NAA38: variants seen among roughly 807,000 people sequenced by gnomAD.
The protein encoded by NAA38 is N-alpha-acetyltransferase 38, NatC auxiliary subunit, also known as LSM domain containing 1.
NAA38 carries 15 observed loss-of-function variants against 12.6 expected under a neutral mutation model. The ratio of observed to expected loss-of-function variants is 1.19; its 90% confidence interval spans 0.79 to 1.83. The LOEUF (loss-of-function observed/expected upper bound fraction) is 1.83, where lower values mean the gene tolerates loss of function less well. Among genes scored for constraint, NAA38 ranks in the 40% most tolerant of loss-of-function variants. NAA38 has a pLI of 0.00. For synonymous variants in NAA38, 88 were observed against 69.9 expected (o/e 1.26, Z -1.29); for missense variants, 183 against 171.7 (o/e 1.07, Z -0.37).
chr17:7,866,291 G>A (rs1296798960), intron 3 of NAA38, among the ~76,000 whole-genome samples: 1 of 92,840 alleles, frequency 1.1e-5, no homozygotes. Flanking sequence ...GGTATTTTTA[G>A]TAGAGACGGG....
Position 7,856,840 on chromosome 17 carries a change from G to C in NAA38, c.269C>G (p.Ser90Cys). The C allele has an allele frequency of 6.2e-7, 1 of 1,613,676 alleles. No individual in the cohort carries two copies. Among genetic ancestry groups the C allele is most frequent in the Non-Finnish European group, 8.5e-7 (1 of 1,179,952 alleles). Residue 90 changes from serine (S) to cysteine (C), a missense_variant, in exon 3 of 3, where the codon TCC (serine) becomes TGC (cysteine). Transcript: ENST00000575771. ...SAQEFLKPSD[S>C]FSAGEPRVLG... ...CACACGGGGCTCCCCGGCAGAGAAG[G>C]AATCTGGAAAGAAGGATCAGAGCAT... is the stretch of plus-strand genomic sequence containing the variant.
intron 2 of NAA38, among the ~76,000 whole-genome samples, chr17:7,872,520 G>A (rs1017587972): frequency 2.0e-5 from 3 of 152,090 alleles, no homozygotes; most frequent in African/African-American, 4.8e-5. Flanking sequence ...GCGCCACCAC[G>A]CCCGGCTAAT....
At chr17:7,884,468 A>ATATATATATG (rs1367388548) in intron 1 of NAA38, among the ~76,000 whole-genome samples, 1 of 143,174 alleles carries the variant, frequency 7.0e-6, no homozygotes, top group Admixed American at 7.1e-5. Flanking sequence ...ATATATATAT[A>ATATATATATG]TATATATATG....
chr17:7,856,701 A>T lies in NAA38; in HGVS notation c.*30T>A, dbSNP rs933772683. The T allele has an allele frequency of 6.4e-7, 1 of 1,572,498 alleles. No individual in the cohort carries two copies. The stretch of plus-strand genomic sequence containing the variant: ...ACAGGCCCATTCGGTCATAAGTTTA[A>T]TGAAGTCTGAAAGGTAAGCGCCATC... On this transcript the variant is annotated 3_prime_UTR_variant, in exon 3 of 3. Transcript: ENST00000575771.
At chr17:7,860,850 T>C (rs984487908), upstream of NAA38, 16 of 152,224 alleles carry the variant, frequency 1.1e-4, no homozygotes, top group African/African-American at 3.4e-4. Flanking sequence ...TCCTGACCTT[T>C]TGGGGCAAAG....
Position 7,857,373 on chromosome 17 carries a change from C to T in NAA38, c.81+10G>A. ...TGCCCCTCAGTCCCAGAACCAGAGCCCGTGCTAACCCCAGCACTGGAGCTG... is the reference window on the plus strand; with the variant it reads ...TGCCCCTCAGTCCCAGAACCAGAGCTCGTGCTAACCCCAGCACTGGAGCTG... On this transcript the variant is annotated intron_variant, in intron 1 of 2. Transcript: ENST00000575771. The T allele has an allele frequency of 6.2e-7, 1 of 1,612,370 alleles. No homozygotes were observed. Among genetic ancestry groups the T allele is most frequent in the Non-Finnish European group, 8.5e-7 (1 of 1,179,464 alleles).
intron 1 of NAA38, among the ~76,000 whole-genome samples, chr17:7,884,299 G>A: frequency 6.7e-6 from 1 of 149,674 alleles, no homozygotes; most frequent in Non-Finnish European, 1.5e-5. Flanking sequence ...GGAGGGGGTG[G>A]CGGTGCTGGA....
At chr17:7,884,292 G>A (rs1967412165) in intron 1 of NAA38, among the ~76,000 whole-genome samples, 2 of 150,434 alleles carry the variant, frequency 1.3e-5, no homozygotes, top group African/African-American at 4.9e-5. Flanking sequence ...TCTTTATGGA[G>A]GGGGTGGCGG....
At chr17:7,859,865 G>A (rs538326001), upstream of NAA38, 185 of 497,082 alleles carry the variant, frequency 3.7e-4, 4 homozygotes, top group South Asian at 3.9e-3. Context: ...GGGAGATGTA[G>A]AAGAGGATAG....
At chr17:7,877,375 T>G (rs1205954376) in intron 2 of NAA38, among the ~76,000 whole-genome samples, 1 of 151,564 alleles carries the variant, frequency 6.6e-6, no homozygotes, top group East Asian at 1.9e-4. Flanking sequence ...TGATGTCATT[T>G]TTTTTTTTTT....
chr17:7,857,930 G>A (rs541705786), upstream of NAA38: 2 of 1,427,768 alleles, frequency 1.4e-6, no homozygotes, highest in South Asian at 1.5e-5. Flanking sequence ...CTCATACTAC[G>A]TTTCCCGTGA....
At chr17:7,870,181 G>A (rs966658915) in intron 2 of NAA38, among the ~76,000 whole-genome samples, 17 of 152,004 alleles carry the variant, frequency 1.1e-4, no homozygotes, top group African/African-American at 2.7e-4. Flanking sequence ...AGGATTGCTT[G>A]AGCCTGGGAG....
intron 2 of NAA38, among the ~76,000 whole-genome samples, chr17:7,881,079 G>A (rs776854724): frequency 6.6e-6 from 1 of 152,120 alleles, no homozygotes; most frequent in Non-Finnish European, 1.5e-5. Flanking sequence ...AAGCAAGCAA[G>A]CAAAAAGACT....
chr17:7,867,297 A>G (rs1967003494), intron 2 of NAA38, among the ~76,000 whole-genome samples: 2 of 150,368 alleles, frequency 1.3e-5, no homozygotes, highest in Non-Finnish European at 2.9e-5. Flanking sequence ...TTCACATACC[A>G]TAATATTCAC....
At chr17:7,882,862 C>G (rs763051729) in intron 2 of NAA38, among the ~76,000 whole-genome samples, 2 of 152,078 alleles carry the variant, frequency 1.3e-5, no homozygotes, top group East Asian at 3.8e-4. Flanking sequence ...TGAGCACCGC[C>G]GAAGATGGGT....
chr17:7,868,723 T>C (rs1967032551), intron 2 of NAA38, among the ~76,000 whole-genome samples: 1 of 152,186 alleles, frequency 6.6e-6, no homozygotes, highest in South Asian at 2.1e-4. Flanking sequence ...CCATTCTTTA[T>C]TTAGTAATGA....
At chr17:7,876,766 A>G (rs551927514) in intron 2 of NAA38, among the ~76,000 whole-genome samples, 11 of 152,250 alleles carry the variant, frequency 7.2e-5, no homozygotes, top group Middle Eastern at 3.4e-3. Flanking sequence ...CAATCTCTTG[A>G]TCACTAAAAA....
At chr17:7,866,762 T>G (rs896460751) in intron 2 of NAA38, among the ~76,000 whole-genome samples, 18 of 152,208 alleles carry the variant, frequency 1.2e-4, no homozygotes, top group African/African-American at 3.6e-4. Flanking sequence ...AATTAAAATA[T>G]TTAGTGTAAT....
At chr17:7,880,269 GAAGA>G (rs1967248759) in intron 2 of NAA38, among the ~76,000 whole-genome samples, 1 of 151,866 alleles carries the variant, frequency 6.6e-6, no homozygotes, top group Non-Finnish European at 1.5e-5. Flanking sequence ...AGACAGATAA[GAAGA>G]AAGAACCAAG....
Sources: allele counts gnomAD v4.1 joint callset (sites outside exome capture counted in the v4.1 genomes callset), GRCh38; gene constraint gnomAD v4.1.1; transcripts MANE v1.5; gene names NCBI Gene and HGNC (gene_info 2026-07-23, HGNC 2026-07-21).